MMACHC: variants seen among roughly 807,000 people sequenced by gnomAD.
MMACHC encodes metabolism of cobalamin associated C.
Under a neutral mutation model 17.6 loss-of-function variants are expected in MMACHC, and 14 were observed. The ratio of observed to expected loss-of-function variants is 0.80; its 90% CI spans 0.53 to 1.25. The LOEUF (loss-of-function observed/expected upper bound fraction) is 1.25, where lower values mean the gene tolerates loss of function less well. Among genes scored for constraint, MMACHC ranks in the 50% most tolerant of loss-of-function variants. MMACHC has a pLI of 0.00. For synonymous variants in MMACHC, 151 were observed against 142.1 expected (o/e 1.06, Z -0.45); for missense variants, 392 against 364.5 (o/e 1.08, Z -0.62).
chr1:45,502,911 G>T (rs1643566869), intron 1 of MMACHC, among the ~76,000 whole-genome samples: 1 of 151,748 alleles, frequency 6.6e-6, no homozygotes, highest in Admixed American at 6.6e-5. Context: ...CTCCATGTTG[G>T]TCAGGCTGGT....
chr1:45,500,528 G>A (rs1177838004), intron 1 of MMACHC, 115 bp downstream of exon 1: 1 of 994,686 alleles, frequency 1.0e-6, no homozygotes, highest in South Asian at 1.3e-5. Flanking sequence ...CAGTGTCCAT[G>A]TGACAACAGG....
In MMACHC at chr1:45,509,092, G is replaced by A. The variant is rs750002717; in HGVS notation, c.726G>A (p.Lys242=). 1.2e-6 allele frequency: 2 copies of A among 1,612,404 alleles called. No homozygotes were observed. The highest frequency in any genetic ancestry group is 1.3e-5 in the African/African-American group (1 of 74,804). ...TGGGCTTGGCTCAGCCCTCAGAGAA[G>A]CCTAGTTCTCCCTCCCCGGACCTTC... is the stretch of plus-strand genomic sequence containing the variant. ...ALLGLAQPSE[K]PSSPSPDLPF... is the part of the protein sequence containing the mutation. The change falls in exon 4 of 4, where the codon AAG becomes AAA. Residue 242 remains lysine (K), a synonymous_variant. Coordinates refer to ENST00000401061, the MANE Select transcript of MMACHC (RefSeq NM_015506.3).
Position 45,511,654 on chromosome 1 carries a change from T to A in MMACHC, c.*2439T>A, listed in dbSNP as rs1643748014. 2.7e-6 allele frequency: 1 copy of A among 367,068 alleles called. No homozygotes were observed. The highest frequency in any genetic ancestry group is 4.6e-5 in the Admixed American group (1 of 21,644). The allele number at this position is 367,068 out of a possible 1,614,324, so 22.7% of individuals were successfully genotyped here. On this transcript the variant is annotated 3_prime_UTR_variant, in exon 4 of 4. Transcript: ENST00000401061. ...TTCATGTAGCACTTGAAATTTAAAT[T>A]TTCCACAAAAAAAGGCAAAGTTTAA...
rs184787968 is a variant in MMACHC at position 45,509,297 on chromosome 1, A to G, written c.*82A>G. On this transcript the variant is annotated 3_prime_UTR_variant, in exon 4 of 4. Transcript: ENST00000401061. ...TGGCAAAGCAAAAGGTTTTGAGTACAAGATTACTATTTTTGATAATATAGT... is the reference window on the plus strand; with the variant it reads ...TGGCAAAGCAAAAGGTTTTGAGTACGAGATTACTATTTTTGATAATATAGT... The G allele has an allele frequency of 5.3e-3, 7,925 of 1,483,574 alleles. 40 individuals carry two copies. Among genetic ancestry groups the G allele is most frequent in the Non-Finnish European group, 6.9e-3 (7,387 of 1,064,148 alleles). 91.9% of individuals were successfully genotyped at this position (1,483,574 alleles called of 1,614,324 possible).
rs781527733 is a variant in MMACHC at position 45,509,042 on chromosome 1, C to G, written c.676C>G (p.Pro226Ala). The stretch of plus-strand genomic sequence containing the variant: ...AGAGCAGAAGGCCTACTTCTCCACT[C>G]CACCTGCCCAACGATTGGCCCTATT... ...SEEQKAYFST[P>A]PAQRLALLGL... The change falls in exon 4 of 4, where the codon CCA (proline) becomes GCA (alanine). Residue 226 changes from proline to alanine, a missense_variant. Physicochemically the swap from Pro to Ala is conservative, Grantham distance 27 (BLOSUM62 -1). Transcript: ENST00000401061. The G allele has an allele frequency of 6.4e-5, 104 of 1,613,992 alleles. 1 individual carries two copies. In the South Asian group the frequency reaches 1.1e-3, roughly 17 times the overall value.
Position 45,506,549 on chromosome 1 carries a change from C to T in MMACHC, c.82-807C>T, listed in dbSNP as rs1370649023. Among the ~76,000 whole-genome samples, 7 of 151,958 alleles carry T rather than the reference C, an allele frequency of 4.6e-5. 1 individual carries two copies. The highest frequency in any genetic ancestry group is 1.2e-4 in the African/African-American group (5 of 41,356). On this transcript the variant is annotated intron_variant, in intron 1 of 3. Transcript: ENST00000401061. ...TTGCCCAGGCTGGAGTGCAGTGGCA[C>T]GATCTTGTCTCATTGCAACCTCTGC...
rs1161547147 is a variant in MMACHC at position 45,511,327 on chromosome 1, G to A, written c.*2112G>A. ...CAGCCTGGCACTAAAACAGCCCAGCGCTCACTTCTGCTTGGAGAAATATTC... is the reference window on the plus strand; with the variant it reads ...CAGCCTGGCACTAAAACAGCCCAGCACTCACTTCTGCTTGGAGAAATATTC... On this transcript the variant is annotated 3_prime_UTR_variant, in exon 4 of 4. Coordinates refer to ENST00000401061, the MANE Select transcript of MMACHC (RefSeq NM_015506.3). The A allele has an allele frequency of 8.1e-6, 13 of 1,608,066 alleles. No homozygotes were observed. The highest frequency in any genetic ancestry group is 2.2e-5 in the East Asian group (1 of 44,606).
chr1:45,506,551 A>ATCTTG (rs1410907360), intron 1 of MMACHC, among the ~76,000 whole-genome samples: 1 of 151,840 alleles, frequency 6.6e-6, no homozygotes, highest in East Asian at 1.9e-4. Flanking sequence ...CAGTGGCACG[A>ATCTTG]TCTTGTCTCA....
At position 45,512,533 on chromosome 1, in the gene MMACHC, CAA is replaced by C. The variant is rs544265336; in HGVS notation, c.*3328_*3329del. 1.4e-4 allele frequency: 19 copies of C among 140,698 alleles called. No homozygotes were observed. The East Asian group carries it at 3.4e-3, about 25-fold the overall frequency. The allele number at this position is 140,698 out of a possible 1,614,324, so 8.7% of individuals were successfully genotyped here. A position where few individuals can be genotyped will look rare whatever the true frequency, so the allele number is the denominator to read the frequency against. ...TGGGCGACAAAACAAGACTCTGTCT[CAA>C]AAAAAAAAAGTGTTTGGCATTCATT... On this transcript the variant is annotated 3_prime_UTR_variant, in exon 4 of 4. Coordinates refer to ENST00000401061, the MANE Select transcript of MMACHC (RefSeq NM_015506.3).
intron 1 of MMACHC, 35 bp downstream of exon 1, chr1:45,500,448 T>C: frequency 6.2e-7 from 1 of 1,605,536 alleles, no homozygotes; most frequent in Non-Finnish European, 8.5e-7. Flanking sequence ...TAGGGCGAAA[T>C]ATATGATTGG....
chr1:45,506,194 C>T (rs541499895), intron 1 of MMACHC, among the ~76,000 whole-genome samples: 22 of 152,290 alleles, frequency 1.4e-4, no homozygotes, highest in African/African-American at 4.6e-4. Context: ...GTGGCATGAA[C>T]GGCATTGAGG....
rs1643770702 is a variant in MMACHC at position 45,512,393 on chromosome 1, G to C, written c.*3178G>C. On this transcript the variant is annotated 3_prime_UTR_variant, in exon 4 of 4. Transcript: ENST00000401061. ...GCTGGGACTATACAAAAATAGTGGG[G>C]CGTGGTGGTGGACCCCTGTAGTCCT... 1 of 151,256 alleles carries C rather than the reference G, an allele frequency of 6.6e-6. No individual in the cohort carries two copies. Among genetic ancestry groups the C allele is most frequent in the African/African-American group, 2.4e-5 (1 of 41,202 alleles). The allele number at this position is 151,256 out of a possible 1,614,324, so 9.4% of individuals were successfully genotyped here. A position where few individuals can be genotyped will look rare whatever the true frequency, so the allele number is the denominator to read the frequency against.
rs1553162829 is a variant in MMACHC, at chr1:45,508,246, A to C, written c.311A>C (p.Asp104Ala). ...GAGCTGCAGATAGAAATCATTGCTG[A>C]CTACGAGGTGCACCCCAACCGACGC... ...LPELQIEIIA[D>A]YEVHPNRRPK... The change falls in exon 3 of 4, where the codon GAC becomes GCC. Residue 104 changes from aspartate to alanine, a missense_variant. By Grantham distance (126) the Asp-to-Ala change is moderately radical. Transcript: ENST00000401061. 6.2e-7 allele frequency: 1 copy of C among 1,614,036 alleles called. No homozygotes were observed.
intron 3 of MMACHC, 73 bp downstream of exon 3, chr1:45,508,437 C>T (rs1643669871): frequency 1.3e-6 from 2 of 1,544,592 alleles, no homozygotes. Context: ...CCACATTCCT[C>T]AGCCTTCCCT....
Position 45,511,272 on chromosome 1 carries a change from AAG to A in MMACHC, c.*2060_*2061del, listed in dbSNP as rs1287304657. 50 of 1,374,516 alleles carry A rather than the reference AAG, an allele frequency of 3.6e-5. No homozygotes were observed. The highest frequency in any genetic ancestry group is 4.7e-5 in the Non-Finnish European group (47 of 1,003,350). The allele number at this position is 1,374,516 out of a possible 1,614,324, so 85.1% of individuals were successfully genotyped here. On this transcript the variant is annotated 3_prime_UTR_variant, in exon 4 of 4. Transcript: ENST00000401061. ...TTACTAATGGAAAAAAAAAATACAG[AAG>A]AGGTTTTGTTCTCATGGCTGCCCAC...
At chr1:45,506,946 A>G (rs2149323045) in intron 1 of MMACHC, among the ~76,000 whole-genome samples, 1 of 151,848 alleles carries the variant, frequency 6.6e-6, no homozygotes, top group African/African-American at 2.4e-5. Flanking sequence ...GGTGGGTCCT[A>G]GCTGAGGCCA....
rs1240516857 is a variant in MMACHC, at chr1:45,509,295, A to G, written c.*80A>G. 1 of 1,487,120 alleles carries G rather than the reference A, an allele frequency of 6.7e-7. No individual in the cohort carries two copies. Among genetic ancestry groups the G allele is most frequent in the African/African-American group, 1.4e-5 (1 of 72,012 alleles). The allele number at this position is 1,487,120 out of a possible 1,614,324, so 92.1% of individuals were successfully genotyped here. A position where few individuals can be genotyped will look rare whatever the true frequency, so the allele number is the denominator to read the frequency against. The stretch of plus-strand genomic sequence containing the variant: ...TTTGGCAAAGCAAAAGGTTTTGAGT[A>G]CAAGATTACTATTTTTGATAATATA... On this transcript the variant is annotated 3_prime_UTR_variant, in exon 4 of 4. Coordinates refer to ENST00000401061, the MANE Select transcript of MMACHC (RefSeq NM_015506.3).
chr1:45,508,911 G>A lies in MMACHC; in HGVS notation c.545G>A (p.Cys182Tyr), dbSNP rs372010149. ...PDLPPRKPHD[C>Y]VPTRADRIAL... ...CTGCCACCCAGAAAACCTCATGACT[G>A]TGTACCTACAAGAGCTGACCGTATC... Residue 182 changes from cysteine (C) to tyrosine (Y), a missense_variant, in exon 4 of 4, where the codon TGT (cysteine) becomes TAT (tyrosine). Transcript: ENST00000401061. The A allele has an allele frequency of 1.1e-5, 18 of 1,614,046 alleles. No individual in the cohort carries two copies. Among genetic ancestry groups the A allele is most frequent in the Middle Eastern group, 3.3e-4 (2 of 6,082 alleles).
chr1:45,508,629 C>T, intron 3 of MMACHC, among the ~76,000 whole-genome samples, 167 bp from the exon 4 acceptor site: 1 of 152,202 alleles, frequency 6.6e-6, no homozygotes, highest in African/African-American at 2.4e-5. Flanking sequence ...CCCAGCCCTT[C>T]CCTGTGCTCA....
Sources: allele counts gnomAD v4.1 joint callset (sites outside exome capture counted in the v4.1 genomes callset), GRCh38; gene constraint gnomAD v4.1.1; transcripts MANE v1.5; gene names NCBI Gene and HGNC (gene_info 2026-07-23, HGNC 2026-07-21).